The following ZNF469 variants were observed in gnomAD, a reference collection of about 807,000 sequenced individuals.
ZNF469 encodes zinc finger protein 469.
ZNF469 carries 1 observed loss-of-function variant against 1.0 expected under a neutral mutation model. The ratio of observed to expected loss-of-function variants is 1.00; its 90% CI spans 0.35 to 4.73. The LOEUF is 4.73. Among genes scored for constraint, ZNF469 ranks in the 30% most tolerant of loss-of-function variants. ZNF469 has a pLI of 0.16. For synonymous variants in ZNF469, 2,703 were observed against 2,363.4 expected, an observed-to-expected ratio of 1.14 and a Z score of -4.17; for missense variants, 6,100 against 5,356.3, an observed-to-expected ratio of 1.14 and a Z score of -4.33.
the ZNF469 span, among the ~76,000 whole-genome samples, chr16:88,106,012 G>C: frequency 6.6e-6 from 1 of 152,238 alleles, no homozygotes; most frequent in Non-Finnish European, 1.5e-5. Context: ...GCTGCTTTCA[G>C]GGAGTCTGTG....
the ZNF469 span, among the ~76,000 whole-genome samples, chr16:88,240,688 C>G: frequency 1.3e-5 from 2 of 152,136 alleles, no homozygotes; most frequent in African/African-American, 4.8e-5. Context: ...GGGAAATTAA[C>G]CGCTCCAGGT....
the ZNF469 span, among the ~76,000 whole-genome samples, chr16:88,334,294 G>A: frequency 6.6e-6 from 1 of 152,168 alleles, no homozygotes; most frequent in Non-Finnish European, 1.5e-5. Flanking sequence ...AAAAATTCTG[G>A]GGATGGATGG....
At chr16:88,264,022 G>C in the ZNF469 span, among the ~76,000 whole-genome samples, 1 of 152,108 alleles carries the variant, frequency 6.6e-6, no homozygotes, top group Non-Finnish European at 1.5e-5. Flanking sequence ...CCCTGTGGCA[G>C]GCCCAGTGTC....
At chr16:88,247,327 G>GA in the ZNF469 span, among the ~76,000 whole-genome samples, 1 of 71,680 alleles carries the variant, frequency 1.4e-5, no homozygotes, top group African/African-American at 1.2e-4. Flanking sequence ...GTGAGTGAAT[G>GA]GTGAATGAGT....
the ZNF469 span, among the ~76,000 whole-genome samples, chr16:88,103,588 G>A: frequency 6.6e-6 from 1 of 152,206 alleles, no homozygotes; most frequent in Non-Finnish European, 1.5e-5. Context: ...CAGGAGAGTA[G>A]GGGTTCCTAG....
intron 1 of ZNF469, among the ~76,000 whole-genome samples, chr16:88,401,136 A>G (rs73251733): frequency 0.025 from 3,762 of 152,254 alleles, 141 homozygotes; most frequent in African/African-American, 0.086. Context: ...AAGACTGGGT[A>G]CAGTTTCTCT....
chr16:88,203,291 C>G, the ZNF469 span, among the ~76,000 whole-genome samples: 7 of 152,138 alleles, frequency 4.6e-5, no homozygotes, highest in Non-Finnish European at 5.9e-5. Flanking sequence ...GAATGGGGTC[C>G]TCAGAGCTCA....
the ZNF469 span, among the ~76,000 whole-genome samples, chr16:88,335,259 T>C: frequency 6.6e-6 from 1 of 152,220 alleles, no homozygotes; most frequent in African/African-American, 2.4e-5. Context: ...GGCCAGGCTC[T>C]CCACCACCCC....
chr16:88,247,097 G>A, the ZNF469 span, among the ~76,000 whole-genome samples: 16 of 151,608 alleles, frequency 1.1e-4, no homozygotes, highest in Admixed American at 3.3e-4. Flanking sequence ...CTGAGTGAAC[G>A]AGTGAGTGAA....
At chr16:88,379,563 C>T (rs187588745), upstream of ZNF469, among the ~76,000 whole-genome samples, 2 of 152,242 alleles carry the variant, frequency 1.3e-5, no homozygotes, top group East Asian at 3.9e-4. Flanking sequence ...AAGCTGCCCC[C>T]AGGAGGGTGC....
At chr16:88,377,454 C>T in the ZNF469 span, among the ~76,000 whole-genome samples, 4 of 152,216 alleles carry the variant, frequency 2.6e-5, no homozygotes, top group Non-Finnish European at 5.9e-5. Flanking sequence ...GTGCAGGACG[C>T]CCTCGAGGCC....
the ZNF469 span, among the ~76,000 whole-genome samples, chr16:88,130,480 C>T: frequency 1.4e-4 from 22 of 152,070 alleles, no homozygotes; most frequent in South Asian, 1.5e-3. Context: ...CCGAGGCGGG[C>T]GGATCACCTG....
upstream of ZNF469, among the ~76,000 whole-genome samples, chr16:88,379,678 G>A (rs929200656): frequency 1.3e-5 from 2 of 152,194 alleles, no homozygotes; most frequent in Non-Finnish European, 2.9e-5. Flanking sequence ...AGATGCCAGA[G>A]GTAGCTCCCA....
chr16:88,310,344 C>T, the ZNF469 span, among the ~76,000 whole-genome samples: 12 of 152,122 alleles, frequency 7.9e-5, no homozygotes, highest in Non-Finnish European at 5.9e-5. Context: ...GTGCCTCCCA[C>T]TGCTTAAATT....
At chr16:88,407,570 G>A (rs1282735463) in intron 1 of ZNF469, among the ~76,000 whole-genome samples, 1 of 152,260 alleles carries the variant, frequency 6.6e-6, no homozygotes, top group Non-Finnish European at 1.5e-5. Flanking sequence ...CTGTGTGGCT[G>A]TGTCCTTGTC....
At chr16:88,381,158 A>C (rs2092523133), upstream of ZNF469, among the ~76,000 whole-genome samples, 1 of 146,298 alleles carries the variant, frequency 6.8e-6, no homozygotes, top group South Asian at 2.2e-4. Context: ...ACTCACACAC[A>C]GACACGCCCT....
the ZNF469 span, among the ~76,000 whole-genome samples, chr16:88,335,597 C>A: frequency 6.6e-6 from 1 of 152,242 alleles, no homozygotes; most frequent in South Asian, 2.1e-4. Context: ...TGGCCACACT[C>A]CACTGTTCAG....
chr16:88,175,054 G>A, the ZNF469 span, among the ~76,000 whole-genome samples: 7 of 152,066 alleles, frequency 4.6e-5, no homozygotes. Flanking sequence ...GTTGTTCATA[G>A]GAGAAATTTC....
Position 88,431,207 on chromosome 16 carries a change from G to A in ZNF469, c.3737G>A (p.Arg1246His). The A allele has an allele frequency of 1.9e-6, 3 of 1,550,384 alleles. No individual in the cohort carries two copies. The highest frequency in any genetic ancestry group is 1.7e-6 in the Non-Finnish European group (2 of 1,146,980). The change falls in exon 3 of 3, where the codon CGT (arginine) becomes CAT (histidine). Residue 1246 changes from arginine (R) to histidine (H), a missense_variant. Coordinates refer to ENST00000565624, the MANE Select transcript of ZNF469 (RefSeq NM_001367624.2). ...AGCACAGAATTCACAGAGGCTTTGC[G>A]TTCTCCTCCAGCCGCCTGTGCGGGA... ...PDSTEFTEAL[R>H]SPPAACAGEM...
Sources: gnomAD v4.1 joint callset for allele counts (sites outside exome capture counted in the v4.1 genomes callset) on GRCh38, gnomAD v4.1.1 for gene constraint, MANE v1.5 for transcripts, NCBI Gene and HGNC (gene_info 2026-07-23, HGNC 2026-07-21) for gene names.